The following PDRG1 variants were observed in gnomAD, a reference collection of about 807,000 sequenced individuals.
PDRG1 encodes p53 and DNA damage-regulated protein 1.
In PDRG1, 14 loss-of-function variants were observed where a neutral mutation model predicts 18.4. That is an observed-to-expected ratio of 0.76 (90% CI 0.50 to 1.19). PDRG1 has a LOEUF of 1.19. Among genes scored for constraint, PDRG1 ranks in the 50% most tolerant of loss-of-function variants. The pLI is 0.00. For synonymous variants in PDRG1, 65 were observed against 60.9 expected, an observed-to-expected ratio of 1.07 and a Z score of -0.31; for missense variants, 177 against 160.1, an observed-to-expected ratio of 1.11 and a Z score of -0.57.
At chr20:31,949,401 GTATC>G (rs1285032968) in intron 2 of PDRG1, among the ~76,000 whole-genome samples, 1 of 152,134 alleles carries the variant, frequency 6.6e-6, no homozygotes, top group Non-Finnish European at 1.5e-5. Flanking sequence ...GCGAAACGCT[GTATC>G]TATTAAAAAT....
intron 3 of PDRG1, among the ~76,000 whole-genome samples, chr20:31,948,289 A>C (rs2064331075): frequency 6.6e-6 from 1 of 152,204 alleles, no homozygotes; most frequent in Non-Finnish European, 1.5e-5. Flanking sequence ...GTCCCTGAGG[A>C]GATGGCCTTA....
At chr20:31,949,398 G>A (rs567671103) in intron 2 of PDRG1, among the ~76,000 whole-genome samples, 5 of 152,250 alleles carry the variant, frequency 3.3e-5, no homozygotes, top group South Asian at 4.1e-4. Flanking sequence ...ATGGCGAAAC[G>A]CTGTATCTAT....
At position 31,945,395 on chromosome 20, in the gene PDRG1, C is replaced by G. The variant is rs1259675159; in HGVS notation, c.*412G>C. 6.2e-6 allele frequency: 1 copy of G among 160,222 alleles called. No individual in the cohort carries two copies. The highest frequency in any genetic ancestry group is 1.4e-5 in the Non-Finnish European group (1 of 73,140). 9.9% of individuals were successfully genotyped at this position (160,222 alleles called of 1,614,324 possible). A position where few individuals can be genotyped will look rare whatever the true frequency, so the allele number is the denominator to read the frequency against. ...CAATCGCATGGCACCAGCCTGAAAA[C>G]CTCTCTCCCTTCTGAGAGGAATGCT... is the stretch of plus-strand genomic sequence containing the variant. On this transcript the variant is annotated 3_prime_UTR_variant, in exon 5 of 5. Transcript: ENST00000202017.
intron 3 of PDRG1, 119 bp from the exon 4 acceptor site, chr20:31,946,695 A>C: frequency 1.2e-6 from 1 of 856,776 alleles, no homozygotes; most frequent in Non-Finnish European, 1.9e-6. Flanking sequence ...GGAAAAGGGG[A>C]CATCAGAGGC....
intron 1 of PDRG1, among the ~76,000 whole-genome samples, chr20:31,951,323 C>G (rs1407979277): frequency 6.6e-6 from 1 of 152,200 alleles, no homozygotes; most frequent in Non-Finnish European, 1.5e-5. Flanking sequence ...TGGCCCCTCA[C>G]CCATCTCCCT....
intron 3 of PDRG1, among the ~76,000 whole-genome samples, chr20:31,948,000 G>GT (rs1568862065): frequency 6.6e-6 from 1 of 152,198 alleles, no homozygotes; most frequent in Non-Finnish European, 1.5e-5. Context: ...GGAAGAAAAA[G>GT]TATGTGTAGC....
intron 4 of PDRG1, 106 bp downstream of exon 4, chr20:31,946,390 C>T: frequency 9.2e-7 from 1 of 1,089,944 alleles, no homozygotes; most frequent in Non-Finnish European, 1.4e-6. Flanking sequence ...ACAGGCTGCC[C>T]CGGACACTGC....
intron 3 of PDRG1, 72 bp from the exon 4 acceptor site, chr20:31,946,648 CA>C: frequency 7.6e-7 from 1 of 1,307,294 alleles, no homozygotes; most frequent in African/African-American, 1.5e-5. Flanking sequence ...GTGGAGAGGC[CA>C]GCCTCTCCCC....
intron 3 of PDRG1, among the ~76,000 whole-genome samples, chr20:31,948,090 T>C (rs550696009): frequency 1.3e-5 from 2 of 152,276 alleles, no homozygotes; most frequent in Admixed American, 6.5e-5. Flanking sequence ...CAGATTATGG[T>C]TGTGGAAACT....
At chr20:31,951,340 G>A (rs1165233234) in intron 1 of PDRG1, among the ~76,000 whole-genome samples, 1 of 152,026 alleles carries the variant, frequency 6.6e-6, no homozygotes, top group Non-Finnish European at 1.5e-5. Flanking sequence ...CCCTGCCTCC[G>A]CCCTTGCCCA....
At position 31,949,450 on chromosome 20, in the gene PDRG1, T is replaced by C. The variant is rs60115101; in HGVS notation, c.164-568A>G. ...AGCTGGGTGTGGTGGCACACGCCTG[T>C]AATCTCAGCTACTCAGGAGGCTGAG... On this transcript the variant is annotated intron_variant, in intron 2 of 4. Transcript: ENST00000202017. Among the ~76,000 whole-genome samples, 1,221 of 152,328 alleles carry C rather than the reference T, an allele frequency of 8.0e-3. 13 individuals carry two copies. The highest frequency in any genetic ancestry group is 0.028 in the African/African-American group (1,161 of 41,572).
intron 4 of PDRG1, 68 bp from the exon 5 acceptor site, chr20:31,945,957 G>A (rs1442919624): frequency 7.5e-7 from 1 of 1,341,734 alleles, no homozygotes; most frequent in African/African-American, 1.4e-5. Context: ...CCCAGGAAAG[G>A]GGCTGACGCT....
chr20:31,946,478 T>G lies in PDRG1; in HGVS notation c.319+18A>C. ...GATTCCCTCCCCTTCTTATCTCCAG[T>G]CCCTGCTAAGCCAATACCTTGGGCC... On this transcript the variant is annotated intron_variant, in intron 4 of 4. Coordinates refer to ENST00000202017, the MANE Select transcript of PDRG1 (RefSeq NM_030815.3). The G allele has an allele frequency of 1.9e-6, 3 of 1,580,222 alleles. No individual in the cohort carries two copies. Among genetic ancestry groups the G allele is most frequent in the Non-Finnish European group, 2.6e-6 (3 of 1,149,332 alleles).
chr20:31,948,783 C>G (rs1463432630), intron 3 of PDRG1, 25 bp downstream of exon 3: 1 of 1,606,390 alleles, frequency 6.2e-7, no homozygotes, highest in Admixed American at 1.7e-5. Flanking sequence ...CAGCACACCC[C>G]TGACCCATCC....
chr20:31,947,386 G>A (rs2064325675), intron 3 of PDRG1, among the ~76,000 whole-genome samples: 1 of 152,178 alleles, frequency 6.6e-6, no homozygotes, highest in Admixed American at 6.5e-5. Context: ...ATCTGATAAT[G>A]TCTCAGAACC....
intron 3 of PDRG1, among the ~76,000 whole-genome samples, chr20:31,947,806 C>A (rs2064328288): frequency 6.6e-6 from 1 of 152,058 alleles, no homozygotes; most frequent in Non-Finnish European, 1.5e-5. Flanking sequence ...AGGAGAATTG[C>A]TTGAACCTGG....
intron 3 of PDRG1, among the ~76,000 whole-genome samples, chr20:31,946,939 C>T (rs374882729): frequency 2.4e-4 from 37 of 152,328 alleles, no homozygotes; most frequent in East Asian, 1.2e-3. Context: ...AGATTCAGCC[C>T]ACCCTAGATG....
chr20:31,951,925 G>A lies in PDRG1; in HGVS notation c.37C>T (p.Leu13Phe), dbSNP rs1370433672. The change falls in exon 1 of 5, where the codon CTT (leucine) becomes TTT (phenylalanine). Residue 13 changes from leucine to phenylalanine, a missense_variant. By Grantham distance (22) the Leu-to-Phe change is conservative (BLOSUM62 0). Coordinates refer to ENST00000202017, the MANE Select transcript of PDRG1 (RefSeq NM_030815.3). ...TCGGCGAGCTCCTCCACTTCTACAAGGTACCGCAGCACTCGCTCTGCCTCG... is the reference window on the plus strand; with the variant it reads ...TCGGCGAGCTCCTCCACTTCTACAAAGTACCGCAGCACTCGCTCTGCCTCG... ...SPEAERVLRY[L>F]VEVEELAEEV... is the part of the protein sequence containing the mutation. 2 of 1,594,932 alleles carry A rather than the reference G, an allele frequency of 1.3e-6. No individual in the cohort carries two copies. The highest frequency in any genetic ancestry group is 2.3e-5 in the East Asian group (1 of 43,108).
intron 3 of PDRG1, among the ~76,000 whole-genome samples, chr20:31,946,992 A>C (rs184916212): frequency 2.0e-5 from 3 of 152,366 alleles, no homozygotes; most frequent in Admixed American, 2.0e-4. Flanking sequence ...ACCCAAGTCC[A>C]TCAAGGTGAG....
Sources: allele counts gnomAD v4.1 joint callset (sites outside exome capture counted in the v4.1 genomes callset), GRCh38; gene constraint gnomAD v4.1.1; transcripts MANE v1.5; gene names NCBI Gene and HGNC (gene_info 2026-07-23, HGNC 2026-07-21).